DOP1A: variants seen among roughly 807,000 people sequenced by gnomAD.
DOP1A encodes DOP1 leucine zipper like protein A, also known as protein DOP1A.
DOP1A carries 90 observed loss-of-function variants against 267.6 expected under a neutral mutation model. The observed-to-expected ratio is 0.34, with a 90% CI of 0.28 to 0.40. The LOEUF is 0.40. Ranked by LOEUF, DOP1A falls within the 10% of genes least tolerant of loss-of-function variation. The pLI is 1.00. For synonymous variants in DOP1A, 932 were observed against 999.1 expected, an observed-to-expected ratio of 0.93 and a Z score of 1.27; for missense variants, 2,437 against 2,900.4, an observed-to-expected ratio of 0.84 and a Z score of 3.67.
rs922840830 is a variant in DOP1A at position 83,166,266 on chromosome 6, A to C, written c.7093-1596A>C. On this transcript the variant is annotated intron_variant, in intron 38 of 38. Coordinates refer to ENST00000349129, the MANE Select transcript of DOP1A (RefSeq NM_015018.4). ...CATTGAGTTCTTGGGCAGCTCTCTTATAGTTGTAAGAGGATCAGCTTCGAT... is the reference window on the plus strand; with the variant it reads ...CATTGAGTTCTTGGGCAGCTCTCTTCTAGTTGTAAGAGGATCAGCTTCGAT... 3 of 548,942 alleles carry C rather than the reference A, an allele frequency of 5.5e-6. No individual in the cohort carries two copies. The Admixed American group carries it at 9.5e-5, about 17-fold the overall frequency. 34.0% of individuals were successfully genotyped at this position (548,942 alleles called of 1,614,324 possible).
chr6:83,136,634 A>T (rs1261367268), intron 20 of DOP1A, among the ~76,000 whole-genome samples: 3 of 152,086 alleles, frequency 2.0e-5, no homozygotes, highest in Non-Finnish European at 4.4e-5. Context: ...GTTTCTACAG[A>T]GTCTTGGTTC....
intron 4 of DOP1A, among the ~76,000 whole-genome samples, chr6:83,108,295 T>A (rs76220216): frequency 0.02 from 3,075 of 152,250 alleles, 116 homozygotes; most frequent in African/African-American, 0.07. Context: ...TCCTCTACTC[T>A]CAGCCTCCCA....
At chr6:83,097,843 C>CTATTTTATTTTATTTTATTTTAT (rs1239872666) in intron 3 of DOP1A, among the ~76,000 whole-genome samples, 3 of 150,288 alleles carry the variant, frequency 2.0e-5, no homozygotes, top group African/African-American at 7.3e-5. Flanking sequence ...ATAACTTATT[C>CTATTTTATTTTATTTTATTTTAT]TATTTTATTT....
chr6:83,137,107 TCTA>T (rs749050140), intron 20 of DOP1A, 63 bp from the exon 21 acceptor site: 125 of 1,401,224 alleles, frequency 8.9e-5, no homozygotes, highest in Non-Finnish European at 1.2e-4. Context: ...AGTCTACATT[TCTA>T]CATTTCAATT....
intron 38 of DOP1A, chr6:83,166,434 T>C: frequency 1.4e-6 from 1 of 702,038 alleles, no homozygotes; most frequent in Non-Finnish European, 2.6e-6. Context: ...AATGCATTGT[T>C]GATGTTGTGT....
chr6:83,156,868 A>G (rs972199049), intron 34 of DOP1A, among the ~76,000 whole-genome samples: 4 of 151,212 alleles, frequency 2.6e-5, no homozygotes, highest in Non-Finnish European at 4.4e-5. Flanking sequence ...AGTGCTACTC[A>G]AAGTATGGTC....
chr6:83,145,465 T>G (rs1780495732), intron 24 of DOP1A, 59 bp from the exon 25 acceptor site: 2 of 1,374,398 alleles, frequency 1.5e-6, no homozygotes, highest in Non-Finnish European at 2.0e-6. Flanking sequence ...CTCTCTTCTG[T>G]AACTTCCCCT....
chr6:83,110,990 A>C (rs1774460624), intron 6 of DOP1A, among the ~76,000 whole-genome samples: 2 of 152,074 alleles, frequency 1.3e-5, no homozygotes, highest in Non-Finnish European at 2.9e-5. Context: ...TCACCCTAAA[A>C]AGTCCTCTAT....
At chr6:83,070,967 A>G (rs1369927328) in intron 1 of DOP1A, among the ~76,000 whole-genome samples, 2 of 152,250 alleles carry the variant, frequency 1.3e-5, no homozygotes, top group Admixed American at 1.3e-4. Context: ...ACTTGGAATA[A>G]CTTTGAGTAA....
intron 28 of DOP1A, 67 bp downstream of exon 28, chr6:83,151,726 CAAATA>C: frequency 6.7e-7 from 1 of 1,502,962 alleles, no homozygotes; most frequent in East Asian, 2.3e-5. Flanking sequence ...ATGAGAGAGT[CAAATA>C]AAATAAACTG....
intron 25 of DOP1A, 120 bp from the exon 26 acceptor site, chr6:83,147,116 G>T: frequency 2.3e-6 from 1 of 430,084 alleles, no homozygotes; most frequent in Non-Finnish European, 4.2e-6. Context: ...AAAAATTGAT[G>T]ATTTTGTTCT....
intron 24 of DOP1A, among the ~76,000 whole-genome samples, chr6:83,145,039 G>T (rs1434040255): frequency 1.4e-5 from 2 of 142,044 alleles, no homozygotes. Context: ...TGAGGTTGAG[G>T]CTGCAGTAAA....
At chr6:83,074,128 C>T (rs928847396) in intron 1 of DOP1A, among the ~76,000 whole-genome samples, 1 of 152,086 alleles carries the variant, frequency 6.6e-6, no homozygotes, top group Non-Finnish European at 1.5e-5. Context: ...ATATACACAG[C>T]TCATTGTGAT....
At chr6:83,106,886 G>A (rs1004147303) in intron 4 of DOP1A, among the ~76,000 whole-genome samples, 6 of 152,028 alleles carry the variant, frequency 3.9e-5, no homozygotes, top group South Asian at 4.2e-4. Flanking sequence ...AGGGAAGAGC[G>A]CTTCAAGAGA....
chr6:83,154,767 G>C (rs1428572617), intron 33 of DOP1A, among the ~76,000 whole-genome samples: 1 of 151,830 alleles, frequency 6.6e-6, no homozygotes, highest in Non-Finnish European at 1.5e-5. Flanking sequence ...TGTTTTTATA[G>C]TTTAGGATTC....
chr6:83,148,665 C>A (rs1040266356), intron 26 of DOP1A, 94 bp from the exon 27 acceptor site: 8 of 764,284 alleles, frequency 1.0e-5, no homozygotes, highest in Middle Eastern at 2.8e-4. Flanking sequence ...GAATTTTGTT[C>A]TATCATTGTC....
chr6:83,123,774 A>G (rs1211602382), intron 12 of DOP1A, among the ~76,000 whole-genome samples: 1 of 152,078 alleles, frequency 6.6e-6, no homozygotes, highest in Non-Finnish European at 1.5e-5. Flanking sequence ...TATTCCTAGT[A>G]TTAAAAATTA....
At chr6:83,167,007 T>G in intron 38 of DOP1A, 1 of 985,728 alleles carries the variant, frequency 1.0e-6, no homozygotes, top group Non-Finnish European at 1.2e-6. Flanking sequence ...CTTATCTTTC[T>G]CTAGACAGAA....
chr6:83,168,248 TC>T lies in DOP1A; in HGVS notation c.*83del. On this transcript the variant is annotated 3_prime_UTR_variant, in exon 39 of 39. Transcript: ENST00000349129. ...ACACTGCTCTGCGTTGTATAGTTTT[TC>T]CTTTTTTGTATGTAACAGAACACAT... is the stretch of plus-strand genomic sequence containing the variant. 2 of 1,479,008 alleles carry T rather than the reference TC, an allele frequency of 1.4e-6. No individual in the cohort carries two copies. Among genetic ancestry groups the T allele is most frequent in the South Asian group, 2.9e-5 (2 of 69,378 alleles). 91.6% of individuals were successfully genotyped at this position (1,479,008 alleles called of 1,614,324 possible). A position where few individuals can be genotyped will look rare whatever the true frequency, so the allele number is the denominator to read the frequency against.
Sources: gnomAD v4.1 joint callset for allele counts (sites outside exome capture counted in the v4.1 genomes callset) on GRCh38, gnomAD v4.1.1 for gene constraint, MANE v1.5 for transcripts, NCBI Gene and HGNC (gene_info 2026-07-23, HGNC 2026-07-21) for gene names.